Variants in ABTB2 observed in about 807,000 individuals in gnomAD.
ABTB2 encodes ankyrin repeat and BTB/POZ domain-containing protein 2.
A neutral mutation model predicts 104.1 loss-of-function variants in ABTB2; 56 were observed. The ratio of observed to expected loss-of-function variants is 0.54; its 90% CI spans 0.43 to 0.67. The LOEUF (loss-of-function observed/expected upper bound fraction) is 0.67, where lower values mean the gene tolerates loss of function less well. ABTB2 is among the 30% of genes least tolerant of loss of function. The pLI is 0.00. For synonymous variants in ABTB2, 606 were observed against 608.2 expected, an observed-to-expected ratio of 1.00 and a Z score of 0.05; for missense variants, 1,279 against 1,407.7, an observed-to-expected ratio of 0.91 and a Z score of 1.46.
intron 9 of ABTB2, 46 bp downstream of exon 9, chr11:34,164,640 G>C: frequency 7.0e-7 from 1 of 1,431,826 alleles, no homozygotes; most frequent in Non-Finnish European, 9.1e-7. Context: ...TGTGAGCTTA[G>C]TTCAGTGCCC....
In ABTB2 at chr11:34,313,323, G is replaced by A. The variant is rs573708731; in HGVS notation, c.883+43378C>T. On this transcript the variant is annotated intron_variant, in intron 1 of 16. Transcript: ENST00000435224. ...GACAGACGGAGTGTCCCATTGGGCCGGCTCCCGAGCACCTCAGCTGTCTCC... is the reference window on the plus strand; with the variant it reads ...GACAGACGGAGTGTCCCATTGGGCCAGCTCCCGAGCACCTCAGCTGTCTCC... 1.2e-4 allele frequency among the ~76,000 whole-genome samples: 18 copies of A among 152,310 alleles called. No homozygotes were observed. In the East Asian group the frequency reaches 2.1e-3, roughly 18 times the overall value.
chr11:34,264,157 C>T (rs80338219), intron 1 of ABTB2, among the ~76,000 whole-genome samples: 1 of 152,220 alleles, frequency 6.6e-6, no homozygotes, highest in Admixed American at 6.5e-5. Context: ...CCAAACACAT[C>T]TGATCTTCTA....
chr11:34,163,720 G>A (rs985991794), intron 9 of ABTB2, among the ~76,000 whole-genome samples: 4 of 152,202 alleles, frequency 2.6e-5, no homozygotes, highest in East Asian at 1.9e-4. Flanking sequence ...TCCTCCTCAC[G>A]TGTGGACTTG....
chr11:34,272,699 T>A (rs1386149924), intron 1 of ABTB2, among the ~76,000 whole-genome samples: 1 of 87,606 alleles, frequency 1.1e-5, no homozygotes, highest in Non-Finnish European at 1.9e-5. Flanking sequence ...AGAGTAAGAC[T>A]CCGTCTCAAA....
intron 1 of ABTB2, among the ~76,000 whole-genome samples, chr11:34,313,264 G>A (rs1203182082): frequency 1.3e-5 from 2 of 152,180 alleles, no homozygotes; most frequent in Non-Finnish European, 2.9e-5. Flanking sequence ...CACCCCAACC[G>A]CTTCTGGTGC....
At chr11:34,205,223 T>C (rs185817387) in intron 1 of ABTB2, among the ~76,000 whole-genome samples, 7 of 152,354 alleles carry the variant, frequency 4.6e-5, no homozygotes, top group African/African-American at 1.4e-4. Context: ...AGTGCCGCCC[T>C]GAGTCCTCTC....
intron 1 of ABTB2, among the ~76,000 whole-genome samples, chr11:34,339,009 T>C (rs1053705813): frequency 2.8e-4 from 43 of 152,214 alleles, no homozygotes; most frequent in Non-Finnish European, 1.5e-4. Flanking sequence ...AAAATGCAGG[T>C]AAAACATTGT....
chr11:34,248,839 G>C (rs7936567), intron 1 of ABTB2, among the ~76,000 whole-genome samples: 42,607 of 152,176 alleles, frequency 0.28, 6,157 homozygotes, highest in South Asian at 0.33. Flanking sequence ...ACTGCATAAA[G>C]GCATACCACA....
intron 4 of ABTB2, 117 bp from the exon 5 acceptor site, chr11:34,171,188 C>A (rs1367207457): frequency 1.8e-6 from 2 of 1,116,438 alleles, no homozygotes; most frequent in Non-Finnish European, 2.6e-6. Flanking sequence ...GTGGGAAGCA[C>A]CAGGGAGTTA....
intron 1 of ABTB2, among the ~76,000 whole-genome samples, chr11:34,244,216 A>G (rs1297438782): frequency 6.6e-6 from 1 of 152,218 alleles, no homozygotes; most frequent in East Asian, 1.9e-4. Context: ...TAAAAAAAAA[A>G]AAATCACTTT....
In ABTB2 at chr11:34,229,296, C is replaced by A. The variant is rs553372170; in HGVS notation, c.884-24606G>T. Among the ~76,000 whole-genome samples, 185 of 151,564 alleles carry A rather than the reference C, an allele frequency of 1.2e-3. 1 individual carries two copies. The highest frequency in any genetic ancestry group is 4.1e-3 in the African/African-American group (168 of 41,318). ...AGGAGATCAAGACCATCCTGGCTAACACGATGAAACCCGTCTCTACCAAAA... is the reference window on the plus strand; with the variant it reads ...AGGAGATCAAGACCATCCTGGCTAAAACGATGAAACCCGTCTCTACCAAAA... On this transcript the variant is annotated intron_variant, in intron 1 of 16. Transcript: ENST00000435224.
intron 1 of ABTB2, among the ~76,000 whole-genome samples, chr11:34,291,331 C>A (rs1036932471): frequency 3.9e-5 from 6 of 152,168 alleles, no homozygotes; most frequent in South Asian, 2.1e-4. Context: ...TAAGCACATT[C>A]CCAATGTGGA....
At chr11:34,204,395 A>G in intron 2 of ABTB2, 149 bp downstream of exon 2, 1 of 961,724 alleles carries the variant, frequency 1.0e-6, no homozygotes, top group Non-Finnish European at 1.5e-6. Flanking sequence ...TGGTCTAGAA[A>G]GATCTAGCTT....
chr11:34,324,019 T>C (rs1855038441), intron 1 of ABTB2, among the ~76,000 whole-genome samples: 1 of 147,612 alleles, frequency 6.8e-6, no homozygotes, highest in Non-Finnish European at 1.5e-5. Context: ...TTTCAAACAA[T>C]GCTGCATCAG....
At chr11:34,249,862 C>T (rs1454076973) in intron 1 of ABTB2, among the ~76,000 whole-genome samples, 1 of 152,186 alleles carries the variant, frequency 6.6e-6, no homozygotes, top group Non-Finnish European at 1.5e-5. Flanking sequence ...GCTGAAGAAG[C>T]CCAGTTCACA....
intron 1 of ABTB2, among the ~76,000 whole-genome samples, chr11:34,322,720 C>T (rs1027638359): frequency 7.9e-5 from 12 of 152,172 alleles, no homozygotes; most frequent in African/African-American, 2.9e-4. Context: ...CACCCAGGCT[C>T]TAATGCAGTG....
chr11:34,152,542 AG>A lies in ABTB2; in HGVS notation c.2922del (p.Phe975SerfsTer5). On this transcript the variant is annotated frameshift_variant, in exon 17 of 17. Transcript: ENST00000435224. LOFTEE classifies it high-confidence loss of function. ...APELALFCEG[F>X]FLKHMKALLE... ...AGTAGGGCCTTCATGTGCTTGAGGAAGAAGCCCTCACAGAACAGGGCCAGTT... is the reference window on the plus strand; with the variant it reads ...AGTAGGGCCTTCATGTGCTTGAGGAAAAGCCCTCACAGAACAGGGCCAGTT... The A allele has an allele frequency of 6.2e-7, 1 of 1,612,904 alleles. No homozygotes were observed. The highest frequency in any genetic ancestry group is 8.5e-7 in the Non-Finnish European group (1 of 1,179,796).
chr11:34,174,754 T>G (rs1000815863), intron 3 of ABTB2, among the ~76,000 whole-genome samples: 2 of 152,218 alleles, frequency 1.3e-5, no homozygotes, highest in African/African-American at 2.4e-5. Flanking sequence ...ACCCACCTGC[T>G]CTGCCCAGAA....
intron 1 of ABTB2, among the ~76,000 whole-genome samples, chr11:34,304,150 A>G (rs1312264661): frequency 6.6e-6 from 1 of 152,192 alleles, no homozygotes; most frequent in African/African-American, 2.4e-5. Context: ...TGTATATGCT[A>G]TCTGCCCATT....
Sources: gnomAD v4.1 joint callset for allele counts (sites outside exome capture counted in the v4.1 genomes callset) on GRCh38, gnomAD v4.1.1 for gene constraint, MANE v1.5 for transcripts, NCBI Gene and HGNC (gene_info 2026-07-23, HGNC 2026-07-21) for gene names.